CACNA2D1: variants seen among roughly 807,000 people sequenced by gnomAD.
CACNA2D1 encodes voltage-dependent calcium channel subunit alpha-2/delta-1.
CACNA2D1 carries 53 observed loss-of-function variants against 171.5 expected under a neutral mutation model. The observed-to-expected ratio is 0.31, with a 90% CI of 0.25 to 0.39. The LOEUF (loss-of-function observed/expected upper bound fraction) is 0.39, where lower values mean the gene tolerates loss of function less well. CACNA2D1 is among the 10% of genes least tolerant of loss of function. CACNA2D1 has a pLI of 1.00. For missense variants in CACNA2D1, 903 were observed against 1,299.8 expected (o/e 0.69, Z 4.69); for synonymous variants, 442 against 443.1 (o/e 1.00, Z 0.03).
At chr7:82,422,769 T>C (rs146185417) in intron 1 of CACNA2D1, among the ~76,000 whole-genome samples, 7 of 152,242 alleles carry the variant, frequency 4.6e-5, no homozygotes, top group African/African-American at 1.7e-4. Flanking sequence ...TCTTTTGATA[T>C]AATTTATGCC....
chr7:81,981,227 T>C (rs1400114092), intron 24 of CACNA2D1, among the ~76,000 whole-genome samples: 2 of 152,100 alleles, frequency 1.3e-5, no homozygotes, highest in Admixed American at 6.6e-5. Context: ...CCTTCTTATA[T>C]GAGTGATCAG....
chr7:82,291,834 T>A (rs928554180), intron 3 of CACNA2D1, among the ~76,000 whole-genome samples: 7 of 151,674 alleles, frequency 4.6e-5, no homozygotes, highest in Non-Finnish European at 7.4e-5. Context: ...TTATGTTAGC[T>A]ATTTTTGTTA....
intron 1 of CACNA2D1, among the ~76,000 whole-genome samples, chr7:82,367,640 T>A (rs899970199): frequency 6.6e-6 from 1 of 152,296 alleles, no homozygotes; most frequent in East Asian, 1.9e-4. Context: ...AAAGCACTTA[T>A]CTTTGCACTG....
intron 38 of CACNA2D1, among the ~76,000 whole-genome samples, chr7:81,954,117 C>G (rs574041130): frequency 6.6e-5 from 10 of 152,152 alleles, no homozygotes; most frequent in African/African-American, 2.4e-4. Flanking sequence ...GGCATACATT[C>G]TACACAAATG....
chr7:82,137,331 A>G lies in CACNA2D1; in HGVS notation c.355-655T>C, dbSNP rs77266108. Among the ~76,000 whole-genome samples the G allele has an allele frequency of 9.9e-3, 1,506 of 152,316 alleles. 17 individuals carry two copies. Among genetic ancestry groups the G allele is most frequent in the African/African-American group, 0.035 (1,440 of 41,562 alleles). On this transcript the variant is annotated intron_variant, in intron 4 of 38. Transcript: ENST00000356860. ...CCATAAATATAAATTAGGGCTACAAACTATGTTAGAAAGGAAAAATGGAAA... is the reference window on the plus strand; with the variant it reads ...CCATAAATATAAATTAGGGCTACAAGCTATGTTAGAAAGGAAAAATGGAAA...
At chr7:81,958,412 G>T (rs1038759829) in intron 38 of CACNA2D1, among the ~76,000 whole-genome samples, 3 of 152,048 alleles carry the variant, frequency 2.0e-5, no homozygotes, top group African/African-American at 7.2e-5. Flanking sequence ...ACACACTGAA[G>T]AATCAGAATT....
chr7:82,418,872 A>G lies in CACNA2D1; in HGVS notation c.95+24493T>C, dbSNP rs369497954. 2.9e-3 allele frequency among the ~76,000 whole-genome samples: 441 copies of G among 152,222 alleles called. 3 individuals carry two copies. Among genetic ancestry groups the G allele is most frequent in the African/African-American group, 0.01 (416 of 41,526 alleles). ...GGTGGCTCACGCCTGTAATCCCAGC[A>G]CTTTGGGAGGCCGAGGCAGGCGGAT... On this transcript the variant is annotated intron_variant, in intron 1 of 38. Transcript: ENST00000356860.
At chr7:82,045,147 G>T (rs905146900) in intron 10 of CACNA2D1, among the ~76,000 whole-genome samples, 1 of 152,018 alleles carries the variant, frequency 6.6e-6, no homozygotes, top group Non-Finnish European at 1.5e-5. Context: ...TAGGTTATCT[G>T]TTACCAAATT....
At chr7:82,162,047 C>T (rs1409732401) in intron 4 of CACNA2D1, among the ~76,000 whole-genome samples, 1 of 151,922 alleles carries the variant, frequency 6.6e-6, no homozygotes, top group Non-Finnish European at 1.5e-5. Flanking sequence ...AAGTGGTGCA[C>T]TAAAATGATG....
At chr7:82,056,441 C>T (rs1454235802) in intron 10 of CACNA2D1, among the ~76,000 whole-genome samples, 1 of 152,058 alleles carries the variant, frequency 6.6e-6, no homozygotes, top group East Asian at 1.9e-4. Flanking sequence ...AGAAAAGGCA[C>T]TAAACAATTG....
chr7:82,066,583 AAT>A (rs1275958661), intron 7 of CACNA2D1, 59 bp from the exon 8 acceptor site: 1 of 1,535,614 alleles, frequency 6.5e-7, no homozygotes, highest in Non-Finnish European at 8.7e-7. Context: ...CTCTAAAAAT[AAT>A]GAGACTTTAA....
chr7:82,077,780 G>C (rs1584658739), intron 7 of CACNA2D1, among the ~76,000 whole-genome samples: 1 of 147,688 alleles, frequency 6.8e-6, no homozygotes, highest in Non-Finnish European at 1.5e-5. Flanking sequence ...AAAAAATCAG[G>C]CATTTTTAGA....
At chr7:82,400,759 T>C (rs1288145055) in intron 1 of CACNA2D1, among the ~76,000 whole-genome samples, 2 of 150,396 alleles carry the variant, frequency 1.3e-5, no homozygotes, top group African/African-American at 4.9e-5. Flanking sequence ...ACCATCAGAG[T>C]GAACAGGCAA....
chr7:82,131,892 A>G (rs1791022034), intron 5 of CACNA2D1, among the ~76,000 whole-genome samples: 1 of 152,218 alleles, frequency 6.6e-6, no homozygotes, highest in South Asian at 2.1e-4. Flanking sequence ...AGTTGTAAAC[A>G]AAAGATCCAA....
Position 81,964,654 on chromosome 7 carries a change from C to G in CACNA2D1, c.2575-295G>C, listed in dbSNP as rs138331958. 4.1e-3 allele frequency among the ~76,000 whole-genome samples: 621 copies of G among 151,748 alleles called. 4 individuals carry two copies. The highest frequency in any genetic ancestry group is 0.013 in the African/African-American group (521 of 41,398). On this transcript the variant is annotated intron_variant, in intron 32 of 38. Coordinates refer to ENST00000356860, the MANE Select transcript of CACNA2D1 (RefSeq NM_000722.4). ...TGCTTCCCAGATGAATAAAACAGGG[C>G]CGGGGAATGGAGAGGTATAAGTGGA...
At chr7:82,228,639 T>C (rs1802599661) in intron 3 of CACNA2D1, among the ~76,000 whole-genome samples, 1 of 152,152 alleles carries the variant, frequency 6.6e-6, no homozygotes, top group Non-Finnish European at 1.5e-5. Context: ...TTCTAATCTT[T>C]GAAAGAGAGG....
chr7:82,013,378 T>G (rs1485325258), intron 14 of CACNA2D1, 83 bp downstream of exon 14: 3 of 501,672 alleles, frequency 6.0e-6, no homozygotes, highest in Non-Finnish European at 6.3e-6. Context: ...TCTTGCTAAT[T>G]TTCTCCATAT....
intron 3 of CACNA2D1, among the ~76,000 whole-genome samples, chr7:82,333,276 G>A (rs557574615): frequency 6.6e-6 from 1 of 152,168 alleles, no homozygotes; most frequent in East Asian, 1.9e-4. Flanking sequence ...AAAGGTAAAA[G>A]TTTAAGAATA....
chr7:82,276,084 G>T (rs1489557550), intron 3 of CACNA2D1, among the ~76,000 whole-genome samples: 5 of 152,150 alleles, frequency 3.3e-5, no homozygotes, highest in Non-Finnish European at 7.3e-5. Flanking sequence ...TACTTACTTT[G>T]GCTGATTAGA....
Sources: allele counts gnomAD v4.1 joint callset (sites outside exome capture counted in the v4.1 genomes callset), GRCh38; gene constraint gnomAD v4.1.1; transcripts MANE v1.5; gene names NCBI Gene and HGNC (gene_info 2026-07-23, HGNC 2026-07-21).